Variants in AFF3 observed in about 807,000 individuals in gnomAD.
AFF3 encodes ALF transcription elongation factor 3.
In AFF3, 32 loss-of-function variants were observed where a neutral mutation model predicts 129.7. The ratio of observed to expected loss-of-function variants is 0.25; its 90% CI spans 0.19 to 0.33. AFF3 has a LOEUF of 0.33. Among genes scored for constraint, AFF3 ranks in the 10% least tolerant of loss-of-function variants. AFF3 has a pLI of 1.00. For missense variants in AFF3, 1,373 were observed against 1,592.0 expected (o/e 0.86, Z 2.34); for synonymous variants, 644 against 635.4 (o/e 1.01, Z -0.20).
Position 99,568,863 on chromosome 2 carries a change from C to A in AFF3, c.2971G>T (p.Ala991Ser), listed in dbSNP as rs1676222702. Reference sequence around the variant, plus strand: ...GAAAAGGGTCTCACCATTGCATCTGCTTTATGCTTCATTCGTTTAGCTTCT... The same window carrying A: ...GAAAAGGGTCTCACCATTGCATCTGATTTATGCTTCATTCGTTTAGCTTCT... ...MQEAKRMKHKADAMVEKFGKA... is the reference protein window; with the variant it reads ...MQEAKRMKHKSDAMVEKFGKA... The change falls in exon 19 of 25, where the codon GCA (alanine) becomes TCA (serine). Residue 991 changes from alanine to serine, a missense_variant. Around this residue, in one of 9 missense-constraint regions of AFF3, gnomAD observed 65 missense variants for 102.1 expected, o/e 0.64. Transcript: ENST00000672756. The A allele has an allele frequency of 6.2e-7, 1 of 1,614,046 alleles. No homozygotes were observed. The highest frequency in any genetic ancestry group is 1.3e-5 in the African/African-American group (1 of 74,954).
In AFF3 at chr2:99,546,677, A is replaced by C. The variant is rs748579407; in HGVS notation, c.*4797T>G. ...CCCACATAGGGGATGCTTCATGTCAAGCCACTGGTCTAATGCCTCCGTCTT... is the reference window on the plus strand; with the variant it reads ...CCCACATAGGGGATGCTTCATGTCACGCCACTGGTCTAATGCCTCCGTCTT... On this transcript the variant is annotated 3_prime_UTR_variant, in exon 25 of 25. Coordinates refer to ENST00000672756, the MANE Select transcript of AFF3 (RefSeq NM_001386135.1). The C allele has an allele frequency of 4.3e-6, 1 of 230,468 alleles. No individual in the cohort carries two copies. The highest frequency in any genetic ancestry group is 8.6e-6 in the Non-Finnish European group (1 of 116,366). 14.3% of individuals were successfully genotyped at this position (230,468 alleles called of 1,614,324 possible). A position where few individuals can be genotyped will look rare whatever the true frequency, so the allele number is the denominator to read the frequency against.
At chr2:99,585,822 G>A (rs189302017) in intron 16 of AFF3, among the ~76,000 whole-genome samples, 33 of 152,202 alleles carry the variant, frequency 2.2e-4, no homozygotes, top group East Asian at 1.5e-3. Flanking sequence ...TCTGCCTCCC[G>A]GGTTTGAGCG....
intron 14 of AFF3, among the ~76,000 whole-genome samples, chr2:99,597,343 T>C (rs926957515): frequency 6.6e-6 from 1 of 152,250 alleles, no homozygotes; most frequent in East Asian, 1.9e-4. Flanking sequence ...ACAGTACTTG[T>C]TGCCCTCTGT....
intron 15 of AFF3, among the ~76,000 whole-genome samples, chr2:99,589,282 A>G (rs542843658): frequency 6.6e-6 from 1 of 152,242 alleles, no homozygotes; most frequent in East Asian, 1.9e-4. Flanking sequence ...CAGGGTGTGT[A>G]GAGAAAAACA....
intron 8 of AFF3, among the ~76,000 whole-genome samples, chr2:99,803,197 A>C (rs1209558799): frequency 1.3e-5 from 2 of 152,068 alleles, no homozygotes; most frequent in African/African-American, 4.8e-5. Context: ...TTCTGTTTCT[A>C]TTATCATATG....
At chr2:100,001,553 T>TGAGTAGCTGG (rs972715208) in intron 7 of AFF3, among the ~76,000 whole-genome samples, 1 of 152,308 alleles carries the variant, frequency 6.6e-6, no homozygotes, top group Admixed American at 6.5e-5. Flanking sequence ...CTCAGCCTCC[T>TGAGTAGCTGG]GAGTAGCTGG....
chr2:99,871,682 C>A (rs1016070844), intron 7 of AFF3, among the ~76,000 whole-genome samples: 1 of 152,048 alleles, frequency 6.6e-6, no homozygotes, highest in Non-Finnish European at 1.5e-5. Context: ...ACTTTAAAAA[C>A]TCTGTCACAT....
intron 7 of AFF3, among the ~76,000 whole-genome samples, chr2:99,868,416 GA>G (rs1691606136): frequency 6.6e-6 from 1 of 152,172 alleles, no homozygotes; most frequent in Non-Finnish European, 1.5e-5. Context: ...GCCGGGAGGG[GA>G]GACAGCAGGC....
intron 9 of AFF3, 66 bp from the exon 10 acceptor site, chr2:99,744,206 G>A (rs1680951996): frequency 1.4e-6 from 2 of 1,419,342 alleles, no homozygotes; most frequent in Non-Finnish European, 2.0e-6. Flanking sequence ...TTAAACATGA[G>A]ATCATGTTTA....
At chr2:99,834,579 C>G (rs923269749) in intron 8 of AFF3, among the ~76,000 whole-genome samples, 39 of 152,330 alleles carry the variant, frequency 2.6e-4, no homozygotes, top group African/African-American at 8.9e-4. Flanking sequence ...TCTGCCCCCT[C>G]TACTCCACCA....
intron 4 of AFF3, among the ~76,000 whole-genome samples, chr2:100,063,208 G>T (rs531241574): frequency 2.3e-5 from 3 of 128,156 alleles, no homozygotes; most frequent in Non-Finnish European, 3.1e-5. Flanking sequence ...CCAAGATCGC[G>T]CCACTGCATT....
chr2:99,913,190 T>A (rs1695227613), intron 7 of AFF3, among the ~76,000 whole-genome samples: 1 of 152,190 alleles, frequency 6.6e-6, no homozygotes, highest in Non-Finnish European at 1.5e-5. Context: ...ACAGGAAACT[T>A]TATATAAAGA....
intron 7 of AFF3, among the ~76,000 whole-genome samples, chr2:99,871,339 G>A (rs1160894256): frequency 6.6e-6 from 1 of 152,172 alleles, no homozygotes; most frequent in Non-Finnish European, 1.5e-5. Flanking sequence ...GGCATCTACT[G>A]AGTGCTCATC....
At chr2:99,715,011 A>T (rs1678252488) in intron 11 of AFF3, among the ~76,000 whole-genome samples, 1 of 152,234 alleles carries the variant, frequency 6.6e-6, no homozygotes, top group South Asian at 2.1e-4. Flanking sequence ...CACGTCTTCC[A>T]AGACATTTTG....
At chr2:99,912,537 A>AGT (rs1391723308) in intron 7 of AFF3, among the ~76,000 whole-genome samples, 1 of 152,194 alleles carries the variant, frequency 6.6e-6, no homozygotes, top group African/African-American at 2.4e-5. Context: ...CCAATCATGC[A>AGT]GTGATTTCAA....
chr2:100,054,637 T>C (rs1402543793), intron 4 of AFF3, among the ~76,000 whole-genome samples: 1 of 152,252 alleles, frequency 6.6e-6, no homozygotes, highest in Non-Finnish European at 1.5e-5. Context: ...TTGGAACTTG[T>C]TGACCTCCAT....
At chr2:99,894,751 A>C (rs1693818693) in intron 7 of AFF3, among the ~76,000 whole-genome samples, 1 of 152,128 alleles carries the variant, frequency 6.6e-6, no homozygotes, top group Non-Finnish European at 1.5e-5. Context: ...TTGGGATTAC[A>C]GGCGTGAGCC....
intron 4 of AFF3, among the ~76,000 whole-genome samples, chr2:100,050,238 C>T (rs529483432): frequency 6.6e-6 from 1 of 152,056 alleles, no homozygotes; most frequent in African/African-American, 2.4e-5. Flanking sequence ...AATGGCTTCA[C>T]GGTTGTCTCT....
chr2:100,137,558 CAG>C (rs772663269), intron 1 of AFF3, among the ~76,000 whole-genome samples: 9,659 of 100,178 alleles, frequency 0.096, 870 homozygotes, highest in African/African-American at 0.24. Flanking sequence ...CACACACACA[CAG>C]ACACACAGAG....
Sources: allele counts gnomAD v4.1 joint callset (sites outside exome capture counted in the v4.1 genomes callset), GRCh38; gene constraint gnomAD v4.1.1; regional missense constraint gnomAD v4.1.1; transcripts MANE v1.5; gene names NCBI Gene and HGNC (gene_info 2026-07-23, HGNC 2026-07-21).